ANKS1B: variants seen among roughly 807,000 people sequenced by gnomAD.
ANKS1B encodes the protein ankyrin repeat and sterile alpha motif domain containing 1B, also known as ankyrin repeat and sterile alpha motif domain-containing protein 1B.
In ANKS1B, 36 loss-of-function variants were observed where a neutral mutation model predicts 148.3. The ratio of observed to expected loss-of-function variants is 0.24; its 90% CI spans 0.19 to 0.32. The LOEUF is 0.32. Among genes scored for constraint, ANKS1B ranks in the 10% least tolerant of loss-of-function variants. The pLI is 1.00. For missense variants in ANKS1B, 1,157 were observed against 1,542.6 expected (o/e 0.75, Z 4.19); for synonymous variants, 542 against 560.8 (o/e 0.97, Z 0.47).
At chr12:99,913,996 T>A (rs2094092336) in intron 1 of ANKS1B, among the ~76,000 whole-genome samples, 1 of 152,180 alleles carries the variant, frequency 6.6e-6, no homozygotes, top group Non-Finnish European at 1.5e-5. Flanking sequence ...CCCCCTGACT[T>A]GTCTGTGAGT....
intron 1 of ANKS1B, among the ~76,000 whole-genome samples, chr12:99,967,421 G>C (rs911533575): frequency 2.0e-5 from 3 of 151,996 alleles, no homozygotes; most frequent in Non-Finnish European, 4.4e-5. Flanking sequence ...TTCCATTACG[G>C]TTTTTTCTTT....
At chr12:98,878,708 G>T (rs1397664029) in intron 17 of ANKS1B, among the ~76,000 whole-genome samples, 1 of 152,020 alleles carries the variant, frequency 6.6e-6, no homozygotes, top group African/African-American at 2.4e-5. Context: ...GATCACTTTG[G>T]GGAAACCACA....
intron 19 of ANKS1B, among the ~76,000 whole-genome samples, chr12:98,820,182 T>G (rs890049964): frequency 1.3e-5 from 2 of 152,196 alleles, no homozygotes; most frequent in African/African-American, 4.8e-5. Context: ...GCAGAGACAA[T>G]ATGGGGTGTT....
chr12:99,128,327 T>C (rs546353488), intron 15 of ANKS1B, among the ~76,000 whole-genome samples: 1 of 152,320 alleles, frequency 6.6e-6, no homozygotes. Context: ...ATAAATAACA[T>C]TGTGGCCTGC....
intron 12 of ANKS1B, among the ~76,000 whole-genome samples, chr12:99,281,339 A>G (rs1393931328): frequency 2.0e-5 from 3 of 152,246 alleles, no homozygotes; most frequent in Admixed American, 6.5e-5. Context: ...ACTAAAAATT[A>G]ACTGTTTCAG....
At chr12:98,798,617 T>C (rs1171951218) in intron 22 of ANKS1B, among the ~76,000 whole-genome samples, 1 of 152,206 alleles carries the variant, frequency 6.6e-6, no homozygotes, top group East Asian at 1.9e-4. Flanking sequence ...CTCAGACTAT[T>C]CAGTGCGTGC....
chr12:98,914,884 C>A (rs2099792075), intron 17 of ANKS1B, among the ~76,000 whole-genome samples: 1 of 152,186 alleles, frequency 6.6e-6, no homozygotes, highest in African/African-American at 2.4e-5. Context: ...TCCCTCCTTT[C>A]TGCTTTTCTC....
At chr12:99,745,230 G>A (rs572001624) in intron 8 of ANKS1B, among the ~76,000 whole-genome samples, 1 of 152,168 alleles carries the variant, frequency 6.6e-6, no homozygotes, top group South Asian at 2.1e-4. Flanking sequence ...GTGCATAAGT[G>A]CACATGCATA....
rs2097835201 is a variant in ANKS1B, at chr12:98,744,272, T to G, written c.*1467A>C. Reference sequence around the variant, plus strand: ...ATTCTTCAACACTGAACTAAAACCGTATACATTTGTTAGTTTGAAATAAAA... The same window carrying G: ...ATTCTTCAACACTGAACTAAAACCGGATACATTTGTTAGTTTGAAATAAAA... On this transcript the variant is annotated 3_prime_UTR_variant, in exon 27 of 27. Coordinates refer to ENST00000683438, the MANE Select transcript of ANKS1B (RefSeq NM_001352186.2). 4 of 937,204 alleles carry G rather than the reference T, an allele frequency of 4.3e-6. No individual in the cohort carries two copies. Among genetic ancestry groups the G allele is most frequent in the Non-Finnish European group, 5.1e-6 (4 of 785,738 alleles). The allele number at this position is 937,204 out of a possible 1,614,324, so 58.1% of individuals were successfully genotyped here.
At chr12:99,728,240 T>A (rs911681757) in intron 8 of ANKS1B, among the ~76,000 whole-genome samples, 1 of 151,734 alleles carries the variant, frequency 6.6e-6, no homozygotes, top group Non-Finnish European at 1.5e-5. Flanking sequence ...TTGACAAAGG[T>A]CTAATATCCA....
rs925393585 is a variant in ANKS1B, at chr12:99,930,072, T to G, written c.134+54032A>C. Among the ~76,000 whole-genome samples, 408 of 152,054 alleles carry G rather than the reference T, an allele frequency of 2.7e-3. 1 individual carries two copies. The highest frequency in any genetic ancestry group is 9.5e-3 in the African/African-American group (392 of 41,440). On this transcript the variant is annotated intron_variant, in intron 1 of 26. Coordinates refer to ENST00000683438, the MANE Select transcript of ANKS1B (RefSeq NM_001352186.2). ...AGCTTGATGGGGATGGCATTGAATC[T>G]ATAAATTACCTGGGGCCGTATGGCC...
chr12:99,331,170 C>T (rs1017155478), intron 12 of ANKS1B, among the ~76,000 whole-genome samples: 5 of 151,796 alleles, frequency 3.3e-5, no homozygotes, highest in Non-Finnish European at 1.5e-5. Flanking sequence ...TTAATAACAA[C>T]TTGTGTTTTA....
intron 6 of ANKS1B, among the ~76,000 whole-genome samples, chr12:99,778,093 G>A (rs956282119): frequency 4.0e-5 from 6 of 151,484 alleles, no homozygotes; most frequent in East Asian, 2.0e-4. Context: ...CCAGCTACTC[G>A]GGAGGCTGAG....
intron 15 of ANKS1B, among the ~76,000 whole-genome samples, chr12:99,149,121 C>T (rs990502855): frequency 2.0e-5 from 3 of 152,032 alleles, no homozygotes; most frequent in Non-Finnish European, 4.4e-5. Context: ...TTCTACTTCA[C>T]AAGTTTAACT....
At chr12:99,296,871 CT>C (rs1457658552) in intron 12 of ANKS1B, among the ~76,000 whole-genome samples, 1 of 152,096 alleles carries the variant, frequency 6.6e-6, no homozygotes, top group Non-Finnish European at 1.5e-5. Context: ...AATATGTTAA[CT>C]TATTTATGAA....
intron 8 of ANKS1B, among the ~76,000 whole-genome samples, chr12:99,664,361 T>A (rs1255517769): frequency 3.9e-5 from 6 of 152,062 alleles, no homozygotes; most frequent in Non-Finnish European, 1.5e-5. Flanking sequence ...TTGGTACAAA[T>A]CTTTAATAGA....
chr12:99,663,292 T>G (rs752677235), intron 8 of ANKS1B, among the ~76,000 whole-genome samples: 15 of 152,078 alleles, frequency 9.9e-5, no homozygotes, highest in Non-Finnish European at 1.6e-4. Flanking sequence ...ATGCCACAGT[T>G]GAATATATTA....
intron 15 of ANKS1B, among the ~76,000 whole-genome samples, chr12:99,119,346 C>T (rs918900666): frequency 5.9e-5 from 9 of 152,014 alleles, no homozygotes; most frequent in Admixed American, 3.9e-4. Context: ...GGGAATGAGC[C>T]CCTGCTGACA....
intron 10 of ANKS1B, among the ~76,000 whole-genome samples, chr12:99,447,561 G>A (rs1287647145): frequency 1.3e-5 from 2 of 151,958 alleles, no homozygotes; most frequent in African/African-American, 4.8e-5. Flanking sequence ...TGATTTTTTG[G>A]CTATGACCTC....
Sources: gnomAD v4.1 joint callset for allele counts (sites outside exome capture counted in the v4.1 genomes callset) on GRCh38, gnomAD v4.1.1 for gene constraint, MANE v1.5 for transcripts, NCBI Gene and HGNC (gene_info 2026-07-23, HGNC 2026-07-21) for gene names.